The following MYO3B variants were observed in gnomAD, a reference collection of about 807,000 sequenced individuals.
The protein encoded by MYO3B is myosin IIIB, also known as myosin-IIIb.
MYO3B carries 156 observed loss-of-function variants against 174.6 expected under a neutral mutation model. That is an observed-to-expected ratio of 0.89 (90% CI 0.78 to 1.02). The LOEUF is 1.02. Among genes scored for constraint, MYO3B ranks in the 50% least tolerant of loss-of-function variants. MYO3B has a pLI of 0.00. For missense variants in MYO3B, 1,632 were observed against 1,639.4 expected, an observed-to-expected ratio of 1.00 and a Z score of 0.08; for synonymous variants, 563 against 569.1, an observed-to-expected ratio of 0.99 and a Z score of 0.15.
In MYO3B at chr2:170,383,217, T is replaced by C. The variant is rs1201849443; in HGVS notation, c.1185+28T>C. The stretch of plus-strand genomic sequence containing the variant: ...AAGGGATGTTTTAAGAGCATACTGC[T>C]CCTTAATAGGAAATTAAAACTCACA... On this transcript the variant is annotated intron_variant, in intron 11 of 34. Coordinates refer to ENST00000408978, the MANE Select transcript of MYO3B (RefSeq NM_138995.5). The C allele has an allele frequency of 2.3e-6, 3 of 1,325,708 alleles. No individual in the cohort carries two copies. In the African/African-American group the frequency reaches 4.4e-5, roughly 19 times the overall value. The allele number at this position is 1,325,708 out of a possible 1,614,324, so 82.1% of individuals were successfully genotyped here.
rs368596404 is a variant in MYO3B, at chr2:170,501,983, T to A, written c.3370+118T>A. ...GAGCACTGGAATGAGTCAAGAGTTC[T>A]GGGAGACAGGAGTCCTAGTGTTCTG... is the stretch of plus-strand genomic sequence containing the variant. On this transcript the variant is annotated intron_variant, in intron 28 of 34. Transcript: ENST00000408978. 5.0e-5 allele frequency: 34 copies of A among 677,252 alleles called. 3 individuals carry two copies. The highest frequency in any genetic ancestry group is 7.4e-5 in the Admixed American group (3 of 40,598). 42.0% of individuals were successfully genotyped at this position (677,252 alleles called of 1,614,324 possible).
chr2:170,620,879 T>G (rs1039081774), intron 32 of MYO3B, among the ~76,000 whole-genome samples: 7 of 152,294 alleles, frequency 4.6e-5, no homozygotes, highest in African/African-American at 1.7e-4. Flanking sequence ...TCAGGGTGTT[T>G]GCCATACAAA....
chr2:170,617,286 G>A, intron 32 of MYO3B, among the ~76,000 whole-genome samples: 1 of 152,138 alleles, frequency 6.6e-6, no homozygotes, highest in African/African-American at 2.4e-5. Context: ...GATTCCCAAG[G>A]CCTATGTAAG....
chr2:170,333,604 A>G (rs1191821807), intron 7 of MYO3B, among the ~76,000 whole-genome samples: 1 of 152,114 alleles, frequency 6.6e-6, no homozygotes, highest in Non-Finnish European at 1.5e-5. Flanking sequence ...TCTAGCCTCA[A>G]CAAATTAGGT....
intron 22 of MYO3B, among the ~76,000 whole-genome samples, chr2:170,443,045 A>G (rs1304080853): frequency 1.3e-5 from 2 of 152,200 alleles, no homozygotes; most frequent in Non-Finnish European, 2.9e-5. Context: ...GTCAAATGGT[A>G]TTTCTAGTTC....
intron 7 of MYO3B, among the ~76,000 whole-genome samples, chr2:170,304,824 C>G (rs866562186): frequency 3.3e-5 from 5 of 151,724 alleles, no homozygotes; most frequent in South Asian, 2.1e-4. Flanking sequence ...TATTATGGCT[C>G]TTAACCCTTT....
At chr2:170,446,778 A>G (rs572578105) in intron 23 of MYO3B, among the ~76,000 whole-genome samples, 92 of 152,290 alleles carry the variant, frequency 6.0e-4, no homozygotes, top group African/African-American at 2.2e-3. Context: ...TATAACAAAA[A>G]GCAGATTAAC....
Position 170,430,063 on chromosome 2 carries a change from A to T in MYO3B, c.2651-13904A>T, listed in dbSNP as rs141300523. ...AGATAAAAAATACAATATTGGTTGG[A>T]TGCAAAACTGCATATATGGAGGGCC... On this transcript the variant is annotated intron_variant, in intron 22 of 34. Coordinates refer to ENST00000408978, the MANE Select transcript of MYO3B (RefSeq NM_138995.5). Among the ~76,000 whole-genome samples, 641 of 149,194 alleles carry T rather than the reference A, an allele frequency of 4.3e-3. 3 individuals carry two copies. Among genetic ancestry groups the T allele is most frequent in the African/African-American group, 0.016 (626 of 40,306 alleles).
chr2:170,503,450 G>T (rs1311053751), intron 28 of MYO3B, among the ~76,000 whole-genome samples: 8 of 133,582 alleles, frequency 6.0e-5, no homozygotes, highest in African/African-American at 2.0e-4. Flanking sequence ...TTTCTTTAAG[G>T]GTGTCTCCCT....
chr2:170,575,506 G>C (rs1161928031), intron 32 of MYO3B, among the ~76,000 whole-genome samples: 2 of 152,146 alleles, frequency 1.3e-5, no homozygotes, highest in African/African-American at 4.8e-5. Flanking sequence ...TCTGTGCACT[G>C]AGATTTGAAC....
intron 30 of MYO3B, among the ~76,000 whole-genome samples, chr2:170,536,907 G>A (rs1689717741): frequency 6.6e-6 from 1 of 151,984 alleles, no homozygotes; most frequent in Non-Finnish European, 1.5e-5. Context: ...CTATTTAAAA[G>A]TATGCTGGTC....
intron 7 of MYO3B, among the ~76,000 whole-genome samples, chr2:170,322,397 C>A (rs2093835014): frequency 6.6e-6 from 1 of 152,174 alleles, no homozygotes. Context: ...GGCCCCCTTA[C>A]AAACTGCCAG....
At chr2:170,440,847 GC>G (rs1381590926) in intron 22 of MYO3B, among the ~76,000 whole-genome samples, 5 of 143,104 alleles carry the variant, frequency 3.5e-5, no homozygotes, top group Admixed American at 7.0e-5. Context: ...TCTGTCCCAG[GC>G]TGGAGTGCAG....
At chr2:170,213,365 C>T (rs1292393092) in intron 3 of MYO3B, among the ~76,000 whole-genome samples, 8 of 152,132 alleles carry the variant, frequency 5.3e-5, no homozygotes, top group Admixed American at 5.2e-4. Flanking sequence ...ATTGACCAAG[C>T]AGGGGGTACG....
Position 170,378,228 on chromosome 2 carries a change from G to A in MYO3B, c.972-3788G>A, listed in dbSNP as rs148459431. Reference sequence around the variant, plus strand: ...GAAATAAATAATGCTTTTTCTCTACGATAGACCCTCCAAACCCCATAGCCA... The same window carrying A: ...GAAATAAATAATGCTTTTTCTCTACAATAGACCCTCCAAACCCCATAGCCA... On this transcript the variant is annotated intron_variant, in intron 9 of 34. Transcript: ENST00000408978. Among the ~76,000 whole-genome samples, 7 of 152,162 alleles carry A rather than the reference G, an allele frequency of 4.6e-5. 1 individual carries two copies. Among genetic ancestry groups the A allele is most frequent in the East Asian group, 3.9e-4 (2 of 5,186 alleles).
At position 170,507,968 on chromosome 2, in the gene MYO3B, C is replaced by A. The variant is rs74673713; in HGVS notation, c.3370+6103C>A. Among the ~76,000 whole-genome samples, 109 of 152,192 alleles carry A rather than the reference C, an allele frequency of 7.2e-4. 1 individual carries two copies. The East Asian group carries it at 0.02, about 28-fold the overall frequency. On this transcript the variant is annotated intron_variant, in intron 28 of 34. Transcript: ENST00000408978. ...CTTTGCTATGGAATAAAATTATTGC[C>A]CATGCTAGGATTAAATAAGCCAGAG...
At chr2:170,328,221 T>A (rs555052537) in intron 7 of MYO3B, among the ~76,000 whole-genome samples, 1 of 152,230 alleles carries the variant, frequency 6.6e-6, no homozygotes, top group South Asian at 2.1e-4. Context: ...ATTTTGAATA[T>A]ATCTTCGTCT....
chr2:170,576,803 G>A (rs1692816148), intron 32 of MYO3B, among the ~76,000 whole-genome samples: 1 of 152,144 alleles, frequency 6.6e-6, no homozygotes, highest in Admixed American at 6.5e-5. Flanking sequence ...AGCTTGTTGA[G>A]ATTCTTTGCC....
chr2:170,599,959 T>A (rs887472039), intron 32 of MYO3B, among the ~76,000 whole-genome samples: 1 of 152,132 alleles, frequency 6.6e-6, no homozygotes, highest in Non-Finnish European at 1.5e-5. Context: ...CTAGAAAAAA[T>A]TATTAAATTC....
Sources: allele counts gnomAD v4.1 joint callset (sites outside exome capture counted in the v4.1 genomes callset), GRCh38; gene constraint gnomAD v4.1.1; transcripts MANE v1.5; gene names NCBI Gene and HGNC (gene_info 2026-07-23, HGNC 2026-07-21).